BRCA2: variants seen among roughly 807,000 people sequenced by gnomAD.
The protein encoded by BRCA2 is BRCA2 DNA repair associated.
A neutral mutation model predicts 276.7 loss-of-function variants in BRCA2; 203 were observed. The ratio of observed to expected loss-of-function variants is 0.73; its 90% CI spans 0.65 to 0.82. BRCA2 has a LOEUF of 0.82. BRCA2 is among the 40% of genes least tolerant of loss of function. The pLI, the probability that BRCA2 is intolerant of heterozygous loss-of-function variation, is 0.00. For synonymous variants in BRCA2, 1,289 were observed against 1,338.4 expected, an observed-to-expected ratio of 0.96 and a Z score of 0.81; for missense variants, 3,920 against 3,915.0, an observed-to-expected ratio of 1.00 and a Z score of -0.03.
At chr13:32,363,139 T>C (rs1265216318) in intron 17 of BRCA2, 40 bp from the exon 18 acceptor site, 1 of 1,526,246 alleles carries the variant, frequency 6.6e-7, no homozygotes, top group Non-Finnish European at 9.1e-7. Context: ...AATTCTAGAG[T>C]CACACTTCCT....
chr13:32,366,931 C>G (rs2072787015), intron 18 of BRCA2, among the ~76,000 whole-genome samples: 1 of 149,986 alleles, frequency 6.7e-6, no homozygotes, highest in Non-Finnish European at 1.5e-5. Context: ...AGACTGTTTT[C>G]TAAGTACTGT....
chr13:32,326,340 G>T (rs545312299), intron 6 of BRCA2, 58 bp downstream of exon 6: 2 of 1,562,770 alleles, frequency 1.3e-6, no homozygotes, highest in African/African-American at 2.7e-5. Flanking sequence ...TGACAATAGC[G>T]TTATACCTTT....
intron 4 of BRCA2, among the ~76,000 whole-genome samples, chr13:32,325,886 G>A (rs2072341734): frequency 6.6e-6 from 1 of 152,174 alleles, no homozygotes; most frequent in Non-Finnish European, 1.5e-5. Flanking sequence ...TCCAGCAGCT[G>A]AAATTTGTGA....
At chr13:32,318,931 A>G (rs1021312661) in intron 2 of BRCA2, 146 bp from the exon 3 acceptor site, 2 of 1,098,808 alleles carry the variant, frequency 1.8e-6, no homozygotes, top group Admixed American at 2.7e-5. Context: ...GAATGGATTA[A>G]TGATCTTGTT....
chr13:32,399,031 T>G lies in BRCA2; in HGVS notation c.*261T>G. The G allele has an allele frequency of 2.3e-6, 1 of 425,832 alleles. No homozygotes were observed. Among genetic ancestry groups the G allele is most frequent in the Non-Finnish European group, 4.2e-6 (1 of 239,364 alleles). The allele number at this position is 425,832 out of a possible 1,614,324, so 26.4% of individuals were successfully genotyped here. On this transcript the variant is annotated 3_prime_UTR_variant, in exon 27 of 27. Coordinates refer to ENST00000380152, the MANE Select transcript of BRCA2 (RefSeq NM_000059.4). ...GAAAAACATCTTTGGCTGAGCTCGG[T>G]GGCTCATGCCTGTAATCCCAACACT...
chr13:32,353,757 C>A (rs9943876), intron 13 of BRCA2, among the ~76,000 whole-genome samples: 1 of 151,960 alleles, frequency 6.6e-6, no homozygotes, highest in Non-Finnish European at 1.5e-5. Context: ...TTCCAGGTAT[C>A]CAGGGTTTGG....
At chr13:32,362,123 A>G (rs1262937941) in intron 16 of BRCA2, among the ~76,000 whole-genome samples, 1 of 152,090 alleles carries the variant, frequency 6.6e-6, no homozygotes, top group Non-Finnish European at 1.5e-5. Flanking sequence ...CCTGGGCTCA[A>G]GCAATCCTCC....
In BRCA2 at chr13:32,355,306, G is replaced by C. The variant is rs878853602; in HGVS notation, c.7435+18G>C. ...ACCTTTAGGTATTGTATGACAATTT[G>C]TGTGATGAATTTTTGCCTTTCAGTT... is the stretch of plus-strand genomic sequence containing the variant. On this transcript the variant is annotated intron_variant, in intron 14 of 26. Coordinates refer to ENST00000380152, the MANE Select transcript of BRCA2 (RefSeq NM_000059.4). The C allele has an allele frequency of 6.2e-7, 1 of 1,613,048 alleles. No homozygotes were observed. The highest frequency in any genetic ancestry group is 1.1e-5 in the South Asian group (1 of 90,760).
chr13:32,354,718 T>C lies in BRCA2; in HGVS notation c.7008-143T>C, dbSNP rs869312524. 1.2e-5 allele frequency: 8 copies of C among 675,118 alleles called. No homozygotes were observed. Among genetic ancestry groups the C allele is most frequent in the Non-Finnish European group, 2.1e-5 (8 of 381,976 alleles). The allele number at this position is 675,118 out of a possible 1,614,324, so 41.8% of individuals were successfully genotyped here. Reference sequence around the variant, plus strand: ...TAGCCTTGAAAAATGTGATATTGTTTTGGAATGGCAACCATGGTGAATACA... The same window carrying C: ...TAGCCTTGAAAAATGTGATATTGTTCTGGAATGGCAACCATGGTGAATACA... On this transcript the variant is annotated intron_variant, in intron 13 of 26. Coordinates refer to ENST00000380152, the MANE Select transcript of BRCA2 (RefSeq NM_000059.4).
chr13:32,371,329 A>G (rs1443750171), intron 20 of BRCA2, among the ~76,000 whole-genome samples: 1 of 152,102 alleles, frequency 6.6e-6, no homozygotes, highest in Non-Finnish European at 1.5e-5. Flanking sequence ...ATTCTTACCT[A>G]TATGATGTGG....
At chr13:32,316,350 C>T (rs1345408890) in intron 1 of BRCA2, 72 bp from the exon 2 acceptor site, 6 of 973,226 alleles carry the variant, frequency 6.2e-6, no homozygotes, top group Non-Finnish European at 9.7e-6. Context: ...TCCAGCGCTT[C>T]TGAGTTTTAC....
At position 32,399,444 on chromosome 13, in the gene BRCA2, G is replaced by A; in HGVS notation, c.*674G>A. 5.3e-6 allele frequency: 1 copy of A among 187,792 alleles called. No individual in the cohort carries two copies. The highest frequency in any genetic ancestry group is 1.1e-5 in the Non-Finnish European group (1 of 88,996). 11.6% of individuals were successfully genotyped at this position (187,792 alleles called of 1,614,324 possible). On this transcript the variant is annotated 3_prime_UTR_variant, in exon 27 of 27. Coordinates refer to ENST00000380152, the MANE Select transcript of BRCA2 (RefSeq NM_000059.4). Reference sequence around the variant, plus strand: ...TATGAAGAGTGGTGTTTCCTTTTGAGCAATTCTTCATCCTTAAGTCAGCAT... The same window carrying A: ...TATGAAGAGTGGTGTTTCCTTTTGAACAATTCTTCATCCTTAAGTCAGCAT...
intron 13 of BRCA2, among the ~76,000 whole-genome samples, chr13:32,350,907 A>T (rs2072644881): frequency 6.6e-6 from 1 of 152,142 alleles, no homozygotes; most frequent in Non-Finnish European, 1.5e-5. Context: ...GACTTGGAGA[A>T]CTTTTCTGTC....
intron 16 of BRCA2, among the ~76,000 whole-genome samples, chr13:32,359,222 GAAA>G (rs67041705): frequency 1.6e-4 from 17 of 107,374 alleles, no homozygotes; most frequent in East Asian, 1.3e-3. Context: ...TCCATCTCAA[GAAA>G]AAAAAAAAAA....
rs56272235 is a variant in BRCA2 at position 32,344,569 on chromosome 13, A to G, written c.6853A>G (p.Ile2285Val). The G allele has an allele frequency of 2.3e-4, 363 of 1,545,204 alleles. 2 individuals are homozygous for G. The highest frequency in any genetic ancestry group is 5.1e-4 in the Middle Eastern group (3 of 5,894). ...ATATTTCTTTTTAGGAGAACCCTCAATCAAAAGAAACTTATTAAATGAATT... is the reference window on the plus strand; with the variant it reads ...ATATTTCTTTTTAGGAGAACCCTCAGTCAAAAGAAACTTATTAAATGAATT... ...EPLILVGEPS[I>V]KRNLLNEFDR... The change falls in exon 12 of 27, where the codon ATC becomes GTC. Residue 2285 changes from isoleucine to valine, a missense_variant. Physicochemically the swap from Ile to Val is conservative, Grantham distance 29. Coordinates refer to ENST00000380152, the MANE Select transcript of BRCA2 (RefSeq NM_000059.4).
Position 32,371,052 on chromosome 13 carries a change from C to CT in BRCA2, c.8585dup (p.Glu2863ArgfsTer6), listed in dbSNP as rs80359720. 1 of 1,614,070 alleles carries CT rather than the reference C, an allele frequency of 6.2e-7. No homozygotes were observed. Among genetic ancestry groups the CT allele is most frequent in the Non-Finnish European group, 8.5e-7 (1 of 1,179,982 alleles). Reference sequence around the variant, plus strand: ...ATATGTGGAGGCCCAACAAAAGAGACTAGAAGCCTTATTCACTAAAATTCA... The same window carrying CT: ...ATATGTGGAGGCCCAACAAAAGAGACTTAGAAGCCTTATTCACTAAAATTCA... On this transcript the variant is annotated frameshift_variant, in exon 20 of 27. Transcript: ENST00000380152. LOFTEE classifies it high-confidence loss of function.
At chr13:32,346,946 C>A (rs1437651124) in intron 13 of BRCA2, 50 bp downstream of exon 13, 1 of 1,408,020 alleles carries the variant, frequency 7.1e-7, no homozygotes, top group African/African-American at 1.4e-5. Flanking sequence ...TGAGAAAAGT[C>A]TCGTTTTTAT....
chr13:32,339,013 C>T lies in BRCA2; in HGVS notation c.4658C>T (p.Thr1553Ile), dbSNP rs80358697. The change falls in exon 11 of 27, where the codon ACT becomes ATT. Residue 1553 changes from threonine to isoleucine, a missense_variant. Transcript: ENST00000380152. ...KNLFDEKEQGTSEITSFSHQW... is the reference protein window; with the variant it reads ...KNLFDEKEQGISEITSFSHQW... ...CTTTTTGATGAAAAAGAGCAAGGTA[C>T]TAGTGAAATCACCAGTTTTAGCCAT... 2.5e-6 allele frequency: 4 copies of T among 1,613,806 alleles called. No individual in the cohort carries two copies. Among genetic ancestry groups the T allele is most frequent in the South Asian group, 2.2e-5 (2 of 91,074 alleles).
At chr13:32,360,459 A>G (rs940715400) in intron 16 of BRCA2, among the ~76,000 whole-genome samples, 1 of 152,144 alleles carries the variant, frequency 6.6e-6, no homozygotes, top group Non-Finnish European at 1.5e-5. Flanking sequence ...TCCCAGGTTC[A>G]AGCGATTCTC....
Sources: allele counts gnomAD v4.1 joint callset (sites outside exome capture counted in the v4.1 genomes callset), GRCh38; gene constraint gnomAD v4.1.1; transcripts MANE v1.5; gene names NCBI Gene and HGNC (gene_info 2026-07-23, HGNC 2026-07-21).